The following KIAA0319 variants were observed in gnomAD, a reference collection of about 807,000 sequenced individuals.
KIAA0319 encodes the protein KIAA0319, also known as dyslexia-associated protein KIAA0319.
In KIAA0319, 83 loss-of-function variants were observed where a neutral mutation model predicts 108.4. The ratio of observed to expected loss-of-function variants is 0.77; its 90% CI spans 0.64 to 0.92. The LOEUF (loss-of-function observed/expected upper bound fraction) is 0.92, where lower values mean the gene tolerates loss of function less well. Ranked by LOEUF, KIAA0319 falls within the 40% of genes least tolerant of loss-of-function variation. KIAA0319 has a pLI of 0.00. For synonymous variants in KIAA0319, 484 were observed against 510.4 expected (o/e 0.95, Z 0.70); for missense variants, 1,195 against 1,322.4 (o/e 0.90, Z 1.49).
chr6:24,617,158 T>A (rs1348102746), intron 1 of KIAA0319, among the ~76,000 whole-genome samples: 2 of 152,000 alleles, frequency 1.3e-5, no homozygotes, highest in African/African-American at 4.8e-5. Context: ...TTAATAAATG[T>A]AGTCATAATA....
intron 1 of KIAA0319, among the ~76,000 whole-genome samples, chr6:24,614,081 C>T (rs1392352948): frequency 6.6e-6 from 1 of 152,104 alleles, no homozygotes; most frequent in African/African-American, 2.4e-5. Context: ...GACCAATAAA[C>T]GCAGGTCAAC....
intron 4 of KIAA0319, among the ~76,000 whole-genome samples, chr6:24,587,502 G>A (rs1469175815): frequency 2.6e-5 from 4 of 151,926 alleles, no homozygotes; most frequent in Admixed American, 6.6e-5. Context: ...GGATGGTCTC[G>A]ATCTCCTGAC....
chr6:24,582,475 T>A, intron 5 of KIAA0319, 129 bp from the exon 6 acceptor site: 1 of 87,664 alleles, frequency 1.1e-5, no homozygotes, highest in Non-Finnish European at 2.2e-5. Flanking sequence ...CTCAGCTTTC[T>A]TTTTTTTTTT....
chr6:24,617,758 G>A (rs1294977268), intron 1 of KIAA0319, among the ~76,000 whole-genome samples: 2 of 152,074 alleles, frequency 1.3e-5, no homozygotes, highest in African/African-American at 2.4e-5. Context: ...AGGCTGATGC[G>A]GGTGGATCAC....
Position 24,558,885 on chromosome 6 carries a change from A to T in KIAA0319, c.2734+128T>A, listed in dbSNP as rs1215400901. 3.2e-6 allele frequency: 3 copies of T among 939,226 alleles called. No homozygotes were observed. In the African/African-American group the frequency reaches 5.0e-5, roughly 16 times the overall value. The allele number at this position is 939,226 out of a possible 1,614,324, so 58.2% of individuals were successfully genotyped here. ...ATGCTGCAGGAAACTCTATTGGAGA[A>T]ATAAATGTAAAACAAGTCCCTGGAT... On this transcript the variant is annotated intron_variant, in intron 17 of 20. Coordinates refer to ENST00000378214, the MANE Select transcript of KIAA0319 (RefSeq NM_014809.4).
In KIAA0319 at chr6:24,554,579, T is replaced by G; in HGVS notation, c.2910A>C (p.Thr970=). ...TVLAFTLIVL[T]GGFTWLCICC... ...AGATGCAAAGCCAAGTGAAACCTCC[T>G]GTTAGCACAATAAGAGTAAAAGCCA... Residue 970 remains threonine, a synonymous_variant, in exon 19 of 21, where the codon ACA becomes ACC. Coordinates refer to ENST00000378214, the MANE Select transcript of KIAA0319 (RefSeq NM_014809.4). The G allele has an allele frequency of 6.2e-7, 1 of 1,614,116 alleles. No homozygotes were observed. The highest frequency in any genetic ancestry group is 2.2e-5 in the East Asian group (1 of 44,878).
chr6:24,578,116 C>G lies in KIAA0319; in HGVS notation c.1499G>C (p.Ser500Thr), dbSNP rs1265250521. ...RLSNLDPGNY[S>T]FRLTVTDSDG... The stretch of plus-strand genomic sequence containing the variant: ...AAGGCAGGGACCCACTTGCCTGAAA[C>G]TATAGTTACCAGGATCAAGGTTAGA... Residue 500 changes from serine to threonine, a missense_variant, in exon 9 of 21, where the codon AGT becomes ACT. Coordinates refer to ENST00000378214, the MANE Select transcript of KIAA0319 (RefSeq NM_014809.4). 3.1e-6 allele frequency: 5 copies of G among 1,609,144 alleles called. No homozygotes were observed. The highest frequency in any genetic ancestry group is 4.2e-6 in the Non-Finnish European group (5 of 1,178,054).
At chr6:24,600,918 G>T in intron 2 of KIAA0319, 131 bp downstream of exon 2, 1 of 1,231,538 alleles carries the variant, frequency 8.1e-7, no homozygotes, top group Non-Finnish European at 1.2e-6. Context: ...TGCCTTTCAT[G>T]CTTTCACCTG....
intron 1 of KIAA0319, among the ~76,000 whole-genome samples, chr6:24,630,440 C>T (rs1305808011): frequency 6.5e-5 from 9 of 137,432 alleles, no homozygotes; most frequent in African/African-American, 1.4e-4. Context: ...ACCCGGGAGG[C>T]GGAGGTTGCA....
At position 24,559,259 on chromosome 6, in the gene KIAA0319, T is replaced by C. The variant is rs555553204; in HGVS notation, c.2592-104A>G. ...CTGTGAAACTGGGGAGGTAGACGGC[T>C]ACAGCTCTGTGGCTTGCCAAGGACA... On this transcript the variant is annotated intron_variant, in intron 16 of 20. Transcript: ENST00000378214. 24 of 1,298,702 alleles carry C rather than the reference T, an allele frequency of 1.8e-5. No homozygotes were observed. The African/African-American group carries it at 2.9e-4, about 16-fold the overall frequency. The allele number at this position is 1,298,702 out of a possible 1,614,324, so 80.4% of individuals were successfully genotyped here.
chr6:24,552,324 A>G (rs1761632215), intron 19 of KIAA0319, among the ~76,000 whole-genome samples: 1 of 152,216 alleles, frequency 6.6e-6, no homozygotes, highest in African/African-American at 2.4e-5. Context: ...ATAAGATAAT[A>G]CAAACAAAGC....
At chr6:24,573,920 G>C (rs1765097782) in intron 10 of KIAA0319, among the ~76,000 whole-genome samples, 1 of 151,900 alleles carries the variant, frequency 6.6e-6, no homozygotes, top group Non-Finnish European at 1.5e-5. Context: ...TTCAAGACCA[G>C]CCTGGCCAAA....
intron 1 of KIAA0319, among the ~76,000 whole-genome samples, chr6:24,638,072 C>A (rs12195384): frequency 0.03 from 4,538 of 152,050 alleles, 109 homozygotes; most frequent in Middle Eastern, 0.088. Context: ...TACTAGGGAG[C>A]AAACCAATAT....
chr6:24,627,051 C>T (rs1774813876), intron 1 of KIAA0319, among the ~76,000 whole-genome samples: 1 of 152,066 alleles, frequency 6.6e-6, no homozygotes, highest in African/African-American at 2.4e-5. Flanking sequence ...TTTATAAGTG[C>T]GGTCTTAAAA....
At chr6:24,594,181 A>G (rs547267715) in intron 3 of KIAA0319, among the ~76,000 whole-genome samples, 66 of 121,266 alleles carry the variant, frequency 5.4e-4, no homozygotes, top group African/African-American at 1.9e-3. Flanking sequence ...CCTGGGTGAC[A>G]GAGTGAGACT....
chr6:24,617,034 A>G (rs1407609509), intron 1 of KIAA0319, among the ~76,000 whole-genome samples: 1 of 152,206 alleles, frequency 6.6e-6, no homozygotes, highest in Non-Finnish European at 1.5e-5. Context: ...GGTCAAGTAA[A>G]GATATTTAAG....
chr6:24,565,273 A>G (rs1054886793), intron 14 of KIAA0319, among the ~76,000 whole-genome samples: 1 of 151,390 alleles, frequency 6.6e-6, no homozygotes, highest in African/African-American at 2.4e-5. Flanking sequence ...AGTATAAAGC[A>G]TTTTCAGTTC....
chr6:24,608,930 C>CAAAAAA lies in KIAA0319; in HGVS notation c.-105-7728_-105-7723dup, dbSNP rs57120652. On this transcript the variant is annotated intron_variant, in intron 1 of 20. Coordinates refer to ENST00000378214, the MANE Select transcript of KIAA0319 (RefSeq NM_014809.4). ...TGGGCGACAGAGGGAGACTCCGTCT[C>CAAAAAA]AAAAAAAAAAAAAAAAAAAAAAAAA... Among the ~76,000 whole-genome samples, 16 of 30,106 alleles carry CAAAAAA rather than the reference C, an allele frequency of 5.3e-4. 3 individuals are homozygous for CAAAAAA. Among genetic ancestry groups the CAAAAAA allele is most frequent in the South Asian group, 2.7e-3 (1 of 364 alleles). 19.8% of individuals were successfully genotyped at this position (30,106 alleles called of 152,430 possible). A position where few individuals can be genotyped will look rare whatever the true frequency, so the allele number is the denominator to read the frequency against.
rs560113177 is a variant in KIAA0319 at position 24,625,250 on chromosome 6, T to A, written c.-106+20486A>T. On this transcript the variant is annotated intron_variant, in intron 1 of 20. Transcript: ENST00000378214. ...ATACCATATACAGTATAAATTTACA[T>A]GAATTAAAGGCCTAAATGTGAAATG... Among the ~76,000 whole-genome samples the A allele has an allele frequency of 4.6e-5, 7 of 152,258 alleles. No individual in the cohort carries two copies. In the East Asian group the frequency reaches 1.2e-3, roughly 25 times the overall value.
Sources: allele counts gnomAD v4.1 joint callset (sites outside exome capture counted in the v4.1 genomes callset), GRCh38; gene constraint gnomAD v4.1.1; transcripts MANE v1.5; gene names NCBI Gene and HGNC (gene_info 2026-07-23, HGNC 2026-07-21).